Variants in QKI observed in about 807,000 individuals in gnomAD.
QKI encodes the protein QKI, KH domain containing RNA binding, also known as KH domain-containing RNA-binding protein QKI.
A neutral mutation model predicts 39.0 loss-of-function variants in QKI; 10 were observed. The observed-to-expected ratio is 0.26, with a 90% confidence interval of 0.16 to 0.43. QKI has a LOEUF of 0.43. QKI is among the 20% of genes least tolerant of loss of function. The pLI is 1.00. For missense variants in QKI, 218 were observed against 428.0 expected (o/e 0.51, Z 4.33); for synonymous variants, 204 against 155.4 (o/e 1.31, Z -2.33).
At chr6:163,474,447 A>C (rs918544085) in intron 2 of QKI, among the ~76,000 whole-genome samples, 1 of 152,166 alleles carries the variant, frequency 6.6e-6, no homozygotes, top group Non-Finnish European at 1.5e-5. Context: ...GAGAGTCAGT[A>C]ATGAAGAAAT....
intron 2 of QKI, among the ~76,000 whole-genome samples, chr6:163,477,094 C>T (rs1490340304): frequency 6.6e-6 from 1 of 150,970 alleles, no homozygotes; most frequent in Non-Finnish European, 1.5e-5. Flanking sequence ...CAGCTCACGG[C>T]AACCTCCACC....
intron 6 of QKI, chr6:163,565,941 T>C: frequency 6.2e-7 from 1 of 1,613,444 alleles, no homozygotes; most frequent in South Asian, 1.1e-5. Context: ...TCCTTTTATC[T>C]TTAGGTATGG....
chr6:163,498,057 G>A (rs1778517787), intron 3 of QKI, among the ~76,000 whole-genome samples: 1 of 151,958 alleles, frequency 6.6e-6, no homozygotes, highest in African/African-American at 2.4e-5. Flanking sequence ...ACTAAATTTT[G>A]TATGATCCTT....
intron 3 of QKI, among the ~76,000 whole-genome samples, chr6:163,531,258 T>A (rs1217536224): frequency 6.6e-6 from 1 of 152,222 alleles, no homozygotes; most frequent in East Asian, 1.9e-4. Context: ...TCCCTTGCTC[T>A]GCATTTGGAG....
At chr6:163,524,226 A>G (rs910753901) in intron 3 of QKI, among the ~76,000 whole-genome samples, 2 of 152,176 alleles carry the variant, frequency 1.3e-5, no homozygotes, top group South Asian at 2.1e-4. Flanking sequence ...CTGAAACCCA[A>G]AGATTACAGT....
intron 2 of QKI, among the ~76,000 whole-genome samples, chr6:163,471,736 A>G (rs1411181897): frequency 6.6e-6 from 1 of 152,152 alleles, no homozygotes; most frequent in East Asian, 1.9e-4. Flanking sequence ...AAAGAAAAGA[A>G]AATAAGTAGA....
intron 1 of QKI, among the ~76,000 whole-genome samples, chr6:163,422,010 G>A (rs1032109211): frequency 2.6e-5 from 4 of 152,006 alleles, no homozygotes; most frequent in South Asian, 2.1e-4. Context: ...TTGACCCCAT[G>A]ATCTGACCGC....
intron 1 of QKI, among the ~76,000 whole-genome samples, chr6:163,419,355 T>C (rs926630852): frequency 3.3e-5 from 5 of 152,078 alleles, no homozygotes; most frequent in African/African-American, 1.2e-4. Context: ...TTAAGAATTA[T>C]ATGGTGGTTG....
chr6:163,474,721 G>A (rs962995930), intron 2 of QKI, among the ~76,000 whole-genome samples: 4 of 147,944 alleles, frequency 2.7e-5, no homozygotes, highest in Non-Finnish European at 4.5e-5. Flanking sequence ...GGTGAGGATG[G>A]CTTGAGTCCA....
chr6:163,550,267 A>G (rs994848044), intron 4 of QKI, among the ~76,000 whole-genome samples: 3 of 152,132 alleles, frequency 2.0e-5, no homozygotes, highest in Non-Finnish European at 4.4e-5. Context: ...TAAGTGAGCT[A>G]GTGTGTTCGC....
chr6:163,481,769 G>C (rs1793093340), intron 3 of QKI, among the ~76,000 whole-genome samples: 1 of 152,180 alleles, frequency 6.6e-6, no homozygotes, highest in Non-Finnish European at 1.5e-5. Context: ...TAAGATCATG[G>C]AACCAGGGCT....
intron 4 of QKI, among the ~76,000 whole-genome samples, chr6:163,555,796 A>G (rs1048226676): frequency 2.0e-5 from 3 of 152,134 alleles, no homozygotes; most frequent in Non-Finnish European, 4.4e-5. Context: ...GGAAATACAC[A>G]TTTGTTTCAG....
intron 2 of QKI, among the ~76,000 whole-genome samples, chr6:163,474,045 A>G (rs1792394242): frequency 1.3e-5 from 2 of 152,238 alleles, no homozygotes; most frequent in South Asian, 4.1e-4. Flanking sequence ...GTTGGTTAAC[A>G]TTTGCAGTTG....
In QKI at chr6:163,415,999, C is replaced by T. The variant is rs1787436118; in HGVS notation, c.142+664C>T. ...AGTGACGGCGAAAAGCACTTTTTTC[C>T]CTTTTGTTTGGGGAAGCGAGAACTG... On this transcript the variant is annotated intron_variant, in intron 1 of 7. Transcript: ENST00000361752. 6.8e-6 allele frequency: 3 copies of T among 443,648 alleles called. No individual in the cohort carries two copies. In the Admixed American group the frequency reaches 7.8e-5, roughly 12 times the overall value. 27.5% of individuals were successfully genotyped at this position (443,648 alleles called of 1,614,324 possible).
intron 3 of QKI, among the ~76,000 whole-genome samples, chr6:163,513,220 A>G (rs889425574): frequency 1.3e-5 from 2 of 152,196 alleles, no homozygotes; most frequent in African/African-American, 2.4e-5. Flanking sequence ...TCGCTTGTAG[A>G]TAAGAGGAGG....
intron 4 of QKI, among the ~76,000 whole-genome samples, chr6:163,541,783 AT>A (rs1450854594): frequency 1.3e-5 from 2 of 151,580 alleles, no homozygotes; most frequent in Admixed American, 6.6e-5. Context: ...TGAGGTCTTT[AT>A]TTTTTTCTCC....
intron 4 of QKI, among the ~76,000 whole-genome samples, chr6:163,560,378 T>C (rs1232129522): frequency 6.6e-6 from 1 of 152,230 alleles, no homozygotes; most frequent in Admixed American, 6.5e-5. Flanking sequence ...CTGCTGTCTG[T>C]CGTTTCACTT....
At position 163,487,178 on chromosome 6, in the gene QKI, TA is replaced by T. The variant is rs1777735291; in HGVS notation, c.402+8283del. On this transcript the variant is annotated intron_variant, in intron 3 of 7. Coordinates refer to ENST00000361752, the MANE Select transcript of QKI (RefSeq NM_006775.3). ...TCTCTGACAAGCTCTAGCATGGATA[TA>T]GTTTTTTTTTTTTACGTTTTCATTA... Among the ~76,000 whole-genome samples the T allele has an allele frequency of 1.0e-4, 6 of 58,720 alleles. No homozygotes were observed. In the South Asian group the frequency reaches 4.3e-3, roughly 42 times the overall value. 38.5% of individuals were successfully genotyped at this position (58,720 alleles called of 152,430 possible).
chr6:163,553,447 A>C (rs1763475527), intron 4 of QKI, among the ~76,000 whole-genome samples: 1 of 151,938 alleles, frequency 6.6e-6, no homozygotes, highest in Admixed American at 6.6e-5. Flanking sequence ...GGCTCTATTA[A>C]ACTCCCAATT....
Sources: allele counts gnomAD v4.1 joint callset (sites outside exome capture counted in the v4.1 genomes callset), GRCh38; gene constraint gnomAD v4.1.1; transcripts MANE v1.5; gene names NCBI Gene and HGNC (gene_info 2026-07-23, HGNC 2026-07-21).